The following DSE variants were observed in gnomAD, a reference collection of about 807,000 sequenced individuals.
The protein encoded by DSE is dermatan-sulfate epimerase.
DSE carries 36 observed loss-of-function variants against 84.4 expected under a neutral mutation model. The ratio of observed to expected loss-of-function variants is 0.43; its 90% confidence interval spans 0.33 to 0.56. The LOEUF is 0.56. Ranked by LOEUF, DSE falls within the 20% of genes least tolerant of loss-of-function variation. DSE has a pLI of 0.06. For missense variants in DSE, 862 were observed against 1,169.6 expected (o/e 0.74, Z 3.84); for synonymous variants, 410 against 430.1 (o/e 0.95, Z 0.58).
At chr6:116,370,798 G>A, upstream of DSE, 1 of 980,940 alleles carries the variant, frequency 1.0e-6, no homozygotes, top group Non-Finnish European at 1.2e-6. Context: ...CGGGGGAGGG[G>A]GTCCCCGTTT....
chr6:116,297,165 G>A (rs1774719217), intron 2 of DSE, among the ~76,000 whole-genome samples: 1 of 152,080 alleles, frequency 6.6e-6, no homozygotes, highest in Non-Finnish European at 1.5e-5. Context: ...CCTACTGCCA[G>A]GCCAGAATGC....
At chr6:116,395,380 G>A (rs933078608) in intron 1 of DSE, among the ~76,000 whole-genome samples, 5 of 151,964 alleles carry the variant, frequency 3.3e-5, no homozygotes, top group Non-Finnish European at 5.9e-5. Flanking sequence ...AGCCGAGATC[G>A]GGCCACTGCA....
At chr6:116,368,469 T>C (rs1779294227), upstream of DSE, among the ~76,000 whole-genome samples, 1 of 152,380 alleles carries the variant, frequency 6.6e-6, no homozygotes, top group Admixed American at 6.5e-5. Context: ...CTAAGAGGCC[T>C]AATTTAACAC....
chr6:116,430,703 G>A (rs372375595), intron 3 of DSE, among the ~76,000 whole-genome samples: 3 of 151,988 alleles, frequency 2.0e-5, no homozygotes, highest in Non-Finnish European at 2.9e-5. Flanking sequence ...CACCACACCC[G>A]GCTAATTTTT....
chr6:116,267,615 A>G (rs1156447773), intron 2 of DSE, among the ~76,000 whole-genome samples: 1 of 152,208 alleles, frequency 6.6e-6, no homozygotes, highest in Non-Finnish European at 1.5e-5. Flanking sequence ...TTAATTTATT[A>G]TTGGAGAAAG....
intron 1 of DSE, among the ~76,000 whole-genome samples, chr6:116,394,274 A>G (rs1781099148): frequency 6.6e-6 from 1 of 152,218 alleles, no homozygotes; most frequent in Non-Finnish European, 1.5e-5. Context: ...AATTACAGCA[A>G]AATAATTTGG....
chr6:116,261,528 T>C (rs769457801), intron 2 of DSE, among the ~76,000 whole-genome samples: 2 of 152,210 alleles, frequency 1.3e-5, no homozygotes, highest in Non-Finnish European at 2.9e-5. Context: ...GTTTTCTAGA[T>C]ACAGGATCAT....
chr6:116,280,518 G>A (rs17077780), intron 2 of DSE, among the ~76,000 whole-genome samples: 3,647 of 152,260 alleles, frequency 0.024, 135 homozygotes, highest in African/African-American at 0.083. Context: ...ATTAAGCCAG[G>A]ATCAGTTTGC....
intron 2 of DSE, among the ~76,000 whole-genome samples, chr6:116,346,749 A>G (rs1324025802): frequency 6.6e-6 from 1 of 152,170 alleles, no homozygotes; most frequent in African/African-American, 2.4e-5. Context: ...TATTCAAAAT[A>G]GTGTTGGAAG....
intron 2 of DSE, among the ~76,000 whole-genome samples, chr6:116,283,163 A>C (rs1773650479): frequency 6.6e-6 from 1 of 152,240 alleles, no homozygotes; most frequent in African/African-American, 2.4e-5. Flanking sequence ...TGTGCTAGGC[A>C]TTTTACATGC....
At chr6:116,345,571 G>A (rs1270702803) in intron 2 of DSE, among the ~76,000 whole-genome samples, 2 of 152,074 alleles carry the variant, frequency 1.3e-5, no homozygotes, top group African/African-American at 4.8e-5. Context: ...TGAAACCAAC[G>A]AGAACAAAGA....
intron 2 of DSE, among the ~76,000 whole-genome samples, chr6:116,350,924 A>G (rs58496671): frequency 0.2 from 29,939 of 151,862 alleles, 3,628 homozygotes; most frequent in African/African-American, 0.34. Context: ...AAAAAAAAAA[A>G]AGTCCTGAAA....
intron 2 of DSE, among the ~76,000 whole-genome samples, chr6:116,326,957 G>C (rs1019561631): frequency 6.6e-5 from 10 of 152,160 alleles, no homozygotes; most frequent in African/African-American, 2.4e-4. Flanking sequence ...TTTTCATGTT[G>C]CTTCACATTT....
At chr6:116,421,081 A>T (rs1783043576) in intron 2 of DSE, among the ~76,000 whole-genome samples, 1 of 152,208 alleles carries the variant, frequency 6.6e-6, no homozygotes, top group East Asian at 1.9e-4. Context: ...TAATTCATAG[A>T]CACAGCACAT....
intron 2 of DSE, among the ~76,000 whole-genome samples, chr6:116,262,970 CAA>C (rs1223393330): frequency 6.6e-6 from 1 of 151,984 alleles, no homozygotes; most frequent in Non-Finnish European, 1.5e-5. Flanking sequence ...TGCTGTGGTT[CAA>C]GAGATTTTTT....
chr6:116,375,553 A>T (rs1478778454), intron 1 of DSE: 1 of 985,080 alleles, frequency 1.0e-6, no homozygotes, highest in Non-Finnish European at 1.2e-6. Context: ...AATTTCTATC[A>T]TCTCACTTTA....
chr6:116,308,329 G>A (rs187122299), intron 2 of DSE, among the ~76,000 whole-genome samples: 52 of 152,268 alleles, frequency 3.4e-4, no homozygotes, highest in Non-Finnish European at 5.6e-4. Flanking sequence ...CTTCAATCTT[G>A]TAAGAGATTT....
chr6:116,370,830 C>T (rs1779492795), upstream of DSE: 2 of 985,666 alleles, frequency 2.0e-6, no homozygotes, highest in South Asian at 4.7e-5. Flanking sequence ...TCCTCGTCTC[C>T]TCTGGCTCTG....
In DSE at chr6:116,271,940, C is replaced by CTAT. The variant is rs558757367; in HGVS notation, c.-54+12976_-54+12978dup. ...ATCACCCAACTCAAGATATGGAGCA[C>CTAT]TATTACCCCTGCAAATGTCCTCAAG... is the stretch of plus-strand genomic sequence containing the variant. On this transcript the variant is annotated intron_variant, in intron 2 of 3. Transcript: ENST00000430252. Among the ~76,000 whole-genome samples, 77 of 152,292 alleles carry CTAT rather than the reference C, an allele frequency of 5.1e-4. No homozygotes were observed. The South Asian group carries it at 0.015, about 30-fold the overall frequency.
Sources: allele counts gnomAD v4.1 joint callset (sites outside exome capture counted in the v4.1 genomes callset), GRCh38; gene constraint gnomAD v4.1.1; transcripts MANE v1.5; gene names NCBI Gene and HGNC (gene_info 2026-07-23, HGNC 2026-07-21).